ANO6: variants seen among roughly 807,000 people sequenced by gnomAD.
The protein encoded by ANO6 is anoctamin 6.
ANO6 carries 106 observed loss-of-function variants against 117.5 expected under a neutral mutation model. The observed-to-expected ratio is 0.90, with a 90% confidence interval of 0.77 to 1.06. The LOEUF (loss-of-function observed/expected upper bound fraction) is 1.06, where lower values mean the gene tolerates loss of function less well. ANO6 is among the 50% of genes least tolerant of loss of function. The probability of loss-of-function intolerance (pLI) is 0.00; values close to 1 mark genes in which losing one functional copy is unlikely to be tolerated. For missense variants in ANO6, 955 were observed against 1,121.1 expected, an observed-to-expected ratio of 0.85 and a Z score of 2.12; for synonymous variants, 367 against 385.1, an observed-to-expected ratio of 0.95 and a Z score of 0.55.
chr12:45,430,837 AC>A lies in ANO6; in HGVS notation c.*1527del. On this transcript the variant is annotated 3_prime_UTR_variant, in exon 20 of 20. Coordinates refer to ENST00000320560, the MANE Select transcript of ANO6 (RefSeq NM_001025356.3). ...CAGGGAGCCAGGCCCTCTCACCCCTACTGGTAACAGGTCATTGCTGGGTGCA... is the reference window on the plus strand; with the variant it reads ...CAGGGAGCCAGGCCCTCTCACCCCTATGGTAACAGGTCATTGCTGGGTGCA... The A allele has an allele frequency of 1.0e-6, 1 of 985,346 alleles. No individual in the cohort carries two copies. The highest frequency in any genetic ancestry group is 1.2e-6 in the Non-Finnish European group (1 of 829,990). The allele number at this position is 985,346 out of a possible 1,614,324, so 61.0% of individuals were successfully genotyped here. A position where few individuals can be genotyped will look rare whatever the true frequency, so the allele number is the denominator to read the frequency against.
intron 1 of ANO6, among the ~76,000 whole-genome samples, chr12:45,224,880 A>G (rs968759644): frequency 2.6e-4 from 40 of 152,186 alleles, no homozygotes; most frequent in African/African-American, 9.2e-4. Context: ...AAGGGAGATT[A>G]TAAAGGATTA....
At chr12:45,345,362 C>G (rs150002181) in intron 3 of ANO6, among the ~76,000 whole-genome samples, 1 of 152,034 alleles carries the variant, frequency 6.6e-6, no homozygotes, top group East Asian at 1.9e-4. Context: ...TTTTTATGTT[C>G]TAGGCCCTGT....
intron 2 of ANO6, among the ~76,000 whole-genome samples, chr12:45,317,473 A>G (rs1224505822): frequency 5.3e-5 from 8 of 151,650 alleles, no homozygotes; most frequent in African/African-American, 1.9e-4. Context: ...ATGGCTGCAT[A>G]GTATTCCATG....
intron 15 of ANO6, among the ~76,000 whole-genome samples, chr12:45,407,901 T>C (rs1230984302): frequency 6.6e-6 from 1 of 152,174 alleles, no homozygotes; most frequent in East Asian, 1.9e-4. Flanking sequence ...TCTGAACTCA[T>C]ATCCCATCCA....
At chr12:45,229,758 G>A (rs1401771942) in intron 1 of ANO6, among the ~76,000 whole-genome samples, 2 of 152,090 alleles carry the variant, frequency 1.3e-5, no homozygotes, top group African/African-American at 4.8e-5. Flanking sequence ...GCTCTGCACA[G>A]AGATGGAGAC....
intron 1 of ANO6, chr12:45,292,801 A>G (rs750913504): frequency 1.0e-5 from 15 of 1,496,616 alleles, no homozygotes; most frequent in Non-Finnish European, 1.3e-5. Flanking sequence ...CTTCTCAGAA[A>G]TATTGCTGTT....
intron 2 of ANO6, among the ~76,000 whole-genome samples, chr12:45,324,002 A>G (rs1940376428): frequency 1.4e-5 from 2 of 143,056 alleles, no homozygotes; most frequent in African/African-American, 5.3e-5. Context: ...CAATGGCACG[A>G]TCTTGGCTCA....
chr12:45,325,170 CAT>C (rs1052363298), intron 2 of ANO6, among the ~76,000 whole-genome samples: 2 of 152,188 alleles, frequency 1.3e-5, no homozygotes, highest in Admixed American at 1.3e-4. Flanking sequence ...TTCACTAAAT[CAT>C]AAAGAATCTG....
chr12:45,298,549 T>G (rs1939373010), intron 1 of ANO6, among the ~76,000 whole-genome samples: 1 of 152,182 alleles, frequency 6.6e-6, no homozygotes, highest in Non-Finnish European at 1.5e-5. Context: ...ATCATTTGCT[T>G]CCCAGCACTC....
intron 3 of ANO6, among the ~76,000 whole-genome samples, chr12:45,346,483 G>A (rs907182202): frequency 2.6e-5 from 4 of 152,122 alleles, no homozygotes; most frequent in Non-Finnish European, 4.4e-5. Context: ...CAGTCTTGCA[G>A]AGAGAAAAAA....
chr12:45,422,519 G>C (rs553485404), intron 18 of ANO6, among the ~76,000 whole-genome samples: 1 of 151,790 alleles, frequency 6.6e-6, no homozygotes, highest in Non-Finnish European at 1.5e-5. Flanking sequence ...ACCAAATTGA[G>C]CTTTAAGAGA....
At chr12:45,434,385 A>C (rs145248019), downstream of ANO6, among the ~76,000 whole-genome samples, 545 of 152,358 alleles carry the variant, frequency 3.6e-3, 1 homozygote, top group African/African-American at 0.012. Flanking sequence ...AACAAGCGAC[A>C]GCACTGGCTG....
chr12:45,246,759 CTTT>C (rs34322669), intron 1 of ANO6, among the ~76,000 whole-genome samples: 25 of 113,920 alleles, frequency 2.2e-4, no homozygotes, highest in African/African-American at 7.0e-4. Context: ...TTCCACCCTA[CTTT>C]TTTTTTTTTT....
intron 1 of ANO6, among the ~76,000 whole-genome samples, chr12:45,300,952 C>T (rs184363081): frequency 1.3e-5 from 2 of 152,272 alleles, no homozygotes; most frequent in East Asian, 1.9e-4. Flanking sequence ...GAAACTATAG[C>T]GTCTTACAGA....
intron 10 of ANO6, among the ~76,000 whole-genome samples, chr12:45,384,599 T>C (rs545889371): frequency 2.0e-5 from 3 of 152,290 alleles, no homozygotes; most frequent in African/African-American, 7.2e-5. Flanking sequence ...GGCAGAGAGA[T>C]GGGGAAGCAG....
intron 1 of ANO6, among the ~76,000 whole-genome samples, chr12:45,278,748 G>GAAGGCA (rs1938630044): frequency 6.6e-6 from 1 of 152,174 alleles, no homozygotes; most frequent in East Asian, 1.9e-4. Context: ...CCCTCTCAGT[G>GAAGGCA]TCTGGGAAGT....
chr12:45,403,539 G>C lies in ANO6; in HGVS notation c.1880+3G>C, dbSNP rs1461988954. The C allele has an allele frequency of 1.9e-6, 3 of 1,606,466 alleles. No homozygotes were observed. Among genetic ancestry groups the C allele is most frequent in the African/African-American group, 1.3e-5 (1 of 74,838 alleles). On this transcript the variant is annotated splice_donor_region_variant and intron_variant, in intron 15 of 19. Coordinates refer to ENST00000320560, the MANE Select transcript of ANO6 (RefSeq NM_001025356.3). ...AACATACAAGAAGTATTATTGCCGT[G>C]AGTGTTAAATTGTATAGCCATGGGT...
chr12:45,359,622 T>C (rs1941502406), intron 8 of ANO6, among the ~76,000 whole-genome samples: 1 of 149,128 alleles, frequency 6.7e-6, no homozygotes, highest in Admixed American at 6.7e-5. Context: ...CATGTATCAG[T>C]ACTTCATTCA....
chr12:45,341,403 T>C (rs1173072052), intron 3 of ANO6, among the ~76,000 whole-genome samples: 2 of 152,212 alleles, frequency 1.3e-5, no homozygotes, highest in African/African-American at 2.4e-5. Context: ...ATTGGTTAAA[T>C]AAATAATGGT....
Sources: allele counts gnomAD v4.1 joint callset (sites outside exome capture counted in the v4.1 genomes callset), GRCh38; gene constraint gnomAD v4.1.1; transcripts MANE v1.5; gene names NCBI Gene and HGNC (gene_info 2026-07-23, HGNC 2026-07-21).